OMA1: variants seen among roughly 807,000 people sequenced by gnomAD.
The protein encoded by OMA1 is OMA1 zinc metallopeptidase.
OMA1 carries 38 observed loss-of-function variants against 30.9 expected under a neutral mutation model. The observed-to-expected ratio is 1.23, with a 90% CI of 0.95 to 1.61. The LOEUF is 1.61. OMA1 is among the 40% of genes most tolerant of loss of function. The pLI is 0.00. For synonymous variants in OMA1, 173 were observed against 121.9 expected (o/e 1.42, Z -2.76); for missense variants, 461 against 349.2 (o/e 1.32, Z -2.55).
rs1569864727 is a variant in OMA1, at chr1:58,484,735, G to C, written c.1366-3561C>G. Among the ~76,000 whole-genome samples the C allele has an allele frequency of 5.3e-5, 8 of 152,194 alleles. 1 individual carries two copies. In the South Asian group the frequency reaches 1.7e-3, roughly 32 times the overall value. On this transcript the variant is annotated intron_variant, in intron 8 of 8. Coordinates refer to ENST00000371226, the MANE Select transcript of OMA1 (RefSeq NM_145243.5). ...ACAAAAGAATATTATTCAGATCTAA[G>C]AAGAAATTAGCTATCAAGCCATGAA...
intron 8 of OMA1, among the ~76,000 whole-genome samples, chr1:58,493,357 A>T (rs1645734505): frequency 6.6e-6 from 1 of 152,188 alleles, no homozygotes; most frequent in Non-Finnish European, 1.5e-5. Context: ...AAACTGGCAC[A>T]AGACAGGGAT....
At chr1:58,489,017 G>A (rs554284947) in intron 8 of OMA1, among the ~76,000 whole-genome samples, 48 of 152,366 alleles carry the variant, frequency 3.2e-4, no homozygotes, top group African/African-American at 1.1e-3. Context: ...CAGCGTCAGC[G>A]ACGCAGAAGA....
chr1:58,532,921 T>C (rs1448683294), intron 5 of OMA1, among the ~76,000 whole-genome samples: 3 of 152,228 alleles, frequency 2.0e-5, no homozygotes, highest in African/African-American at 7.2e-5. Flanking sequence ...CCATCTCATC[T>C]TATTAATAGT....
At chr1:58,518,222 AGG>A (rs1491249140) in intron 7 of OMA1, among the ~76,000 whole-genome samples, 27 of 2,218 alleles carry the variant, frequency 0.012, no homozygotes, top group East Asian at 0.026. Context: ...GAGAGGGGAG[AGG>A]GGAGAGGGGA....
intron 7 of OMA1, among the ~76,000 whole-genome samples, chr1:58,512,223 T>C (rs1402126616): frequency 6.6e-6 from 1 of 152,108 alleles, no homozygotes; most frequent in African/African-American, 2.4e-5. Context: ...ACCTGTTAGG[T>C]TATCTATCAT....
intron 2 of OMA1, among the ~76,000 whole-genome samples, 171 bp downstream of exon 2, chr1:58,538,624 T>C (rs529350919): frequency 6.6e-6 from 1 of 152,296 alleles, no homozygotes; most frequent in South Asian, 2.1e-4. Context: ...GGACCTACTG[T>C]TTAGAAACTT....
At chr1:58,490,062 G>A (rs1009988702) in intron 8 of OMA1, among the ~76,000 whole-genome samples, 7 of 152,184 alleles carry the variant, frequency 4.6e-5, no homozygotes, top group African/African-American at 1.4e-4. Flanking sequence ...AACACAGCTC[G>A]TCACCAGCAA....
At chr1:58,531,678 A>T (rs939798693) in intron 5 of OMA1, among the ~76,000 whole-genome samples, 1 of 151,554 alleles carries the variant, frequency 6.6e-6, no homozygotes, top group Non-Finnish European at 1.5e-5. Flanking sequence ...TTGCCTCAAA[A>T]CACAAATGTG....
In OMA1 at chr1:58,525,286, A is replaced by C. The variant is rs550475643; in HGVS notation, c.1215+1975T>G. On this transcript the variant is annotated intron_variant, in intron 7 of 8. Coordinates refer to ENST00000371226, the MANE Select transcript of OMA1 (RefSeq NM_145243.5). The stretch of plus-strand genomic sequence containing the variant: ...TTCAAATTGTTGCACATTTCCAAAA[A>C]ACCTTCCAATATATTTATTGAAAAA... 5.3e-5 allele frequency among the ~76,000 whole-genome samples: 8 copies of C among 152,236 alleles called. No individual in the cohort carries two copies. The South Asian group carries it at 1.7e-3, about 32-fold the overall frequency.
At chr1:58,495,160 A>G (rs1645775438) in intron 8 of OMA1, among the ~76,000 whole-genome samples, 1 of 152,174 alleles carries the variant, frequency 6.6e-6, no homozygotes, top group South Asian at 2.1e-4. Flanking sequence ...TCAGCAAACT[A>G]TTGCAAGGAC....
intron 1 of OMA1, 86 bp from the exon 2 acceptor site, chr1:58,539,396 A>G: frequency 1.5e-6 from 1 of 660,846 alleles, no homozygotes; most frequent in Non-Finnish European, 2.5e-6. Flanking sequence ...TAGGCGTGTC[A>G]GTTGTTCTTC....
At chr1:58,489,972 T>TA (rs1178833127) in intron 8 of OMA1, among the ~76,000 whole-genome samples, 1 of 152,078 alleles carries the variant, frequency 6.6e-6, no homozygotes, top group African/African-American at 2.4e-5. Context: ...CAAAGGTAGA[T>TA]AAAACCATAA....
chr1:58,523,006 G>A lies in OMA1; in HGVS notation c.1215+4255C>T, dbSNP rs569686057. ...ATGGAGATACTTTGTAATTTCTGTT[G>A]TAAAATAAGTCAAAAGTAGTCTTGA... On this transcript the variant is annotated intron_variant, in intron 7 of 8. Transcript: ENST00000371226. Among the ~76,000 whole-genome samples the A allele has an allele frequency of 5.9e-5, 9 of 152,232 alleles. No homozygotes were observed. In the South Asian group the frequency reaches 6.2e-4, roughly 11 times the overall value.
chr1:58,545,835 A>C (rs1320308877), intron 1 of OMA1, among the ~76,000 whole-genome samples: 1 of 152,228 alleles, frequency 6.6e-6, no homozygotes, highest in Non-Finnish European at 1.5e-5. Context: ...TAATCATTCA[A>C]GCAAAGTACA....
At chr1:58,534,352 T>A (rs1240747923) in intron 3 of OMA1, 21 bp from the exon 4 acceptor site, 1 of 823,350 alleles carries the variant, frequency 1.2e-6, no homozygotes, top group Non-Finnish European at 2.1e-6. Flanking sequence ...AAAAATTACT[T>A]CTTATTTTAA....
intron 7 of OMA1, among the ~76,000 whole-genome samples, chr1:58,513,523 T>TA (rs1646113523): frequency 2.0e-5 from 3 of 152,140 alleles, no homozygotes; most frequent in Non-Finnish European, 4.4e-5. Flanking sequence ...CTTTCCTTCT[T>TA]AAAAACAGAA....
Position 58,521,328 on chromosome 1 carries a change from GA to G in OMA1, c.1215+5932del, listed in dbSNP as rs35389880. The stretch of plus-strand genomic sequence containing the variant: ...TGTACGGCCTTAAATGTATGTACTA[GA>G]AAAAAAAAAGAGTTTAAAATAAATG... On this transcript the variant is annotated intron_variant, in intron 7 of 8. Coordinates refer to ENST00000371226, the MANE Select transcript of OMA1 (RefSeq NM_145243.5). 2.1e-3 allele frequency among the ~76,000 whole-genome samples: 302 copies of G among 146,240 alleles called. 7 individuals carry two copies. In the South Asian group the frequency reaches 0.054, roughly 26 times the overall value.
At chr1:58,490,053 A>G (rs1235992080) in intron 8 of OMA1, among the ~76,000 whole-genome samples, 1 of 152,250 alleles carries the variant, frequency 6.6e-6, no homozygotes, top group African/African-American at 2.4e-5. Context: ...CTCCAAAGGA[A>G]CACAGCTCGT....
intron 8 of OMA1, among the ~76,000 whole-genome samples, chr1:58,499,741 A>C (rs988668136): frequency 1.3e-5 from 2 of 152,116 alleles, no homozygotes; most frequent in Non-Finnish European, 2.9e-5. Context: ...ATATTGAAAC[A>C]TCATGCTGGA....
Sources: allele counts gnomAD v4.1 joint callset (sites outside exome capture counted in the v4.1 genomes callset), GRCh38; gene constraint gnomAD v4.1.1; transcripts MANE v1.5; gene names NCBI Gene and HGNC (gene_info 2026-07-23, HGNC 2026-07-21).